The following RBFOX2 variants were observed in gnomAD, a reference collection of about 807,000 sequenced individuals.
RBFOX2 encodes the protein RNA binding protein fox-1 homolog 2.
In RBFOX2, 10 loss-of-function variants were observed where a neutral mutation model predicts 49.1. That is an observed-to-expected ratio of 0.20 (90% CI 0.13 to 0.35). RBFOX2 has a LOEUF of 0.35. RBFOX2 is among the 10% of genes least tolerant of loss of function. RBFOX2 has a pLI of 1.00. For synonymous variants in RBFOX2, 183 were observed against 187.4 expected (o/e 0.98, Z 0.19); for missense variants, 323 against 486.9 (o/e 0.66, Z 3.17).
exon 1 of RBFOX2, chr22:36,028,552 G>T: frequency 1.1e-6 from 1 of 880,132 alleles, no homozygotes; most frequent in Non-Finnish European, 1.4e-6. Flanking sequence ...GCGTGCGTGC[G>T]TGCGCGCGAG....
At chr22:35,792,724 C>T (rs1947998701) in intron 2 of RBFOX2, among the ~76,000 whole-genome samples, 1 of 152,178 alleles carries the variant, frequency 6.6e-6, no homozygotes, top group South Asian at 2.1e-4. Flanking sequence ...TGAACCAGCG[C>T]AACCTGATTT....
At chr22:35,809,679 T>C (rs1603243267) in intron 2 of RBFOX2, 101 bp downstream of exon 3, 2 of 1,286,546 alleles carry the variant, frequency 1.6e-6, no homozygotes, top group East Asian at 2.3e-5. Context: ...CAGGTGTAAA[T>C]GCTAAATTAA....
intron 2 of RBFOX2, among the ~76,000 whole-genome samples, chr22:35,804,145 G>A (rs1950269784): frequency 6.6e-6 from 1 of 152,106 alleles, no homozygotes; most frequent in African/African-American, 2.4e-5. Flanking sequence ...GGGCATGGTG[G>A]TGCATGCCCA....
chr22:35,920,221 T>C (rs887788426), intron 1 of RBFOX2, among the ~76,000 whole-genome samples: 5 of 152,232 alleles, frequency 3.3e-5, no homozygotes, highest in Non-Finnish European at 5.9e-5. Flanking sequence ...GTGGTTATTA[T>C]AAAAATTAAA....
upstream of RBFOX2, among the ~76,000 whole-genome samples, chr22:35,941,551 C>T (rs1234919099): frequency 1.3e-5 from 2 of 152,102 alleles, no homozygotes; most frequent in Non-Finnish European, 2.9e-5. Flanking sequence ...GTTCTCATCC[C>T]TACTAATGAT....
chr22:35,854,710 T>C (rs1285283316), intron 1 of RBFOX2, among the ~76,000 whole-genome samples: 6 of 152,160 alleles, frequency 3.9e-5, no homozygotes, highest in African/African-American at 1.4e-4. Flanking sequence ...GCTTAAATCA[T>C]CAGCTCTTCA....
chr22:36,027,851 G>A (rs2059506762), intron 1 of RBFOX2, among the ~76,000 whole-genome samples: 1 of 151,952 alleles, frequency 6.6e-6, no homozygotes, highest in South Asian at 2.1e-4. Flanking sequence ...CCCTCTTCTC[G>A]GGAGGTTTCC....
chr22:35,773,318 C>T (rs1019994763), intron 4 of RBFOX2, among the ~76,000 whole-genome samples: 1 of 151,892 alleles, frequency 6.6e-6, no homozygotes, highest in Non-Finnish European at 1.5e-5. Flanking sequence ...GTTTTATCTC[C>T]CCTAACTACA....
intron 2 of RBFOX2, among the ~76,000 whole-genome samples, chr22:35,806,093 C>T (rs920062443): frequency 6.6e-6 from 1 of 152,030 alleles, no homozygotes; most frequent in Non-Finnish European, 1.5e-5. Context: ...ACCCACAGAA[C>T]GTACACCAGT....
intron 1 of RBFOX2, among the ~76,000 whole-genome samples, chr22:35,954,601 G>C (rs950165896): frequency 2.0e-5 from 3 of 152,118 alleles, no homozygotes; most frequent in African/African-American, 7.2e-5. Context: ...CCATAGTAAT[G>C]GCCCTCCATT....
At chr22:35,885,413 A>G (rs1369686242) in intron 1 of RBFOX2, among the ~76,000 whole-genome samples, 1 of 152,232 alleles carries the variant, frequency 6.6e-6, no homozygotes, top group Non-Finnish European at 1.5e-5. Flanking sequence ...AAGAAATAAT[A>G]CTTAACAATT....
At chr22:35,823,747 G>A (rs1382296367) in intron 1 of RBFOX2, among the ~76,000 whole-genome samples, 1 of 152,136 alleles carries the variant, frequency 6.6e-6, no homozygotes, top group Non-Finnish European at 1.5e-5. Context: ...AGATTAAAAG[G>A]AAAATAAGAA....
chr22:35,845,653 C>T (rs569783570), intron 1 of RBFOX2, among the ~76,000 whole-genome samples: 7 of 152,062 alleles, frequency 4.6e-5, no homozygotes, highest in Non-Finnish European at 1.0e-4. Context: ...ATACATACAA[C>T]TGAAATTATG....
chr22:35,943,347 T>A (rs1048518790), upstream of RBFOX2, among the ~76,000 whole-genome samples: 1 of 152,206 alleles, frequency 6.6e-6, no homozygotes, highest in African/African-American at 2.4e-5. Context: ...AAATCAGATG[T>A]GTTAGAAGTC....
At chr22:35,897,557 C>A in intron 1 of RBFOX2, 1 of 895,830 alleles carries the variant, frequency 1.1e-6, no homozygotes, top group Non-Finnish European at 1.9e-6. Context: ...CTGTGAGCCA[C>A]AGCAAAGATG....
At chr22:35,772,338 A>G (rs1292417068) in intron 4 of RBFOX2, among the ~76,000 whole-genome samples, 1 of 152,224 alleles carries the variant, frequency 6.6e-6, no homozygotes, top group African/African-American at 2.4e-5. Context: ...TTTAAAAAGT[A>G]GAAACAGGTG....
intron 10 of RBFOX2, 86 bp from the exon 13 acceptor site, chr22:35,746,081 G>T: frequency 8.5e-7 from 1 of 1,173,002 alleles, no homozygotes; most frequent in South Asian, 1.3e-5. Flanking sequence ...TAAGACTTGT[G>T]AGTCACTTGG....
chr22:35,954,427 C>G (rs1270346921), intron 1 of RBFOX2, among the ~76,000 whole-genome samples: 1 of 152,182 alleles, frequency 6.6e-6, no homozygotes, highest in African/African-American at 2.4e-5. Flanking sequence ...GCCTTATTAT[C>G]TATGGCGAAA....
chr22:35,977,747 T>C (rs573691678), intron 1 of RBFOX2, among the ~76,000 whole-genome samples: 1 of 138,806 alleles, frequency 7.2e-6, no homozygotes, highest in Non-Finnish European at 1.5e-5. Context: ...TATATATATA[T>C]ATATATATAT....
Sources: gnomAD v4.1 joint callset for allele counts (sites outside exome capture counted in the v4.1 genomes callset) on GRCh38, gnomAD v4.1.1 for gene constraint, MANE v1.5 for transcripts, NCBI Gene and HGNC (gene_info 2026-07-23, HGNC 2026-07-21) for gene names.